Variants in PPIL2 observed in about 807,000 individuals in gnomAD.
PPIL2 encodes RING-type E3 ubiquitin-protein ligase PPIL2.
A neutral mutation model predicts 75.2 loss-of-function variants in PPIL2; 50 were observed. The observed-to-expected ratio is 0.66, with a 90% CI of 0.53 to 0.84. The LOEUF is 0.84. Among genes scored for constraint, PPIL2 ranks in the 40% least tolerant of loss-of-function variants. The probability of loss-of-function intolerance (pLI) is 0.00; values close to 1 mark genes in which losing one functional copy is unlikely to be tolerated. For synonymous variants in PPIL2, 245 were observed against 258.8 expected (o/e 0.95, Z 0.51); for missense variants, 590 against 685.0 (o/e 0.86, Z 1.55).
intron 6 of PPIL2, among the ~76,000 whole-genome samples, 167 bp from the exon 7 acceptor site, chr22:21,681,132 G>C (rs2067111409): frequency 6.6e-6 from 1 of 152,214 alleles, no homozygotes; most frequent in Non-Finnish European, 1.5e-5. Context: ...GCTTGAGGGG[G>C]TGAGCAGCTG....
chr22:21,695,553 C>A lies in PPIL2; in HGVS notation c.*63C>A. ...GGGCTGGGGGCCCATGTCCACATCT[C>A]CATTTCCAGCCTTTCTAGCCTGCCC... On this transcript the variant is annotated 3_prime_UTR_variant, in exon 20 of 20. Transcript: ENST00000398831. 6.5e-7 allele frequency: 1 copy of A among 1,549,876 alleles called. No individual in the cohort carries two copies. The highest frequency in any genetic ancestry group is 1.2e-5 in the South Asian group (1 of 84,022).
At position 21,675,256 on chromosome 22, in the gene PPIL2, G is replaced by A. The variant is rs1342527871; in HGVS notation, c.295+141G>A. 40 of 791,166 alleles carry A rather than the reference G, an allele frequency of 5.1e-5. No homozygotes were observed. In the East Asian group the frequency reaches 9.7e-4, roughly 19 times the overall value. 49.0% of individuals were successfully genotyped at this position (791,166 alleles called of 1,614,324 possible). A position where few individuals can be genotyped will look rare whatever the true frequency, so the allele number is the denominator to read the frequency against. On this transcript the variant is annotated intron_variant, in intron 6 of 19. Coordinates refer to ENST00000398831, the MANE Select transcript of PPIL2 (RefSeq NM_014337.4). ...TTTAATTCCGCAAAAAGTGTCACAG[G>A]GCTGGGCACGGTGGCTCACACCTGT...
chr22:21,673,722 C>G (rs762932024), intron 5 of PPIL2: 3 of 152,542 alleles, frequency 2.0e-5, no homozygotes, highest in Admixed American at 1.3e-4. Flanking sequence ...CTGGAAGGGA[C>G]CTTGCTGTGT....
intron 19 of PPIL2, 123 bp from the exon 20 acceptor site, chr22:21,695,271 G>A (rs2067870824): frequency 7.5e-7 from 1 of 1,328,678 alleles, no homozygotes; most frequent in Non-Finnish European, 1.0e-6. Flanking sequence ...TCAAATTCAG[G>A]GGGATGTGGG....
chr22:21,695,334 A>G, intron 19 of PPIL2, 60 bp from the exon 20 acceptor site: 1 of 1,541,112 alleles, frequency 6.5e-7, no homozygotes, highest in South Asian at 1.2e-5. Flanking sequence ...ATGGAGACAC[A>G]GACAAGTCAG....
chr22:21,696,267 G>A lies in PPIL2; in HGVS notation c.*777G>A, dbSNP rs1031810332. On this transcript the variant is annotated 3_prime_UTR_variant, in exon 20 of 20. Transcript: ENST00000398831. ...CCTGCTCTGGCTGTGAACCACCTGG[G>A]CTTCATCTCAAGCCTGCCTGGCGTC... The A allele has an allele frequency of 6.8e-6, 7 of 1,029,464 alleles. No individual in the cohort carries two copies. Among genetic ancestry groups the A allele is most frequent in the Non-Finnish European group, 8.2e-6 (7 of 856,310 alleles). The allele number at this position is 1,029,464 out of a possible 1,614,324, so 63.8% of individuals were successfully genotyped here. A position where few individuals can be genotyped will look rare whatever the true frequency, so the allele number is the denominator to read the frequency against.
rs1353739121 is a variant in PPIL2 at position 21,688,774 on chromosome 22, G to A, written c.1064G>A (p.Arg355Gln). The A allele has an allele frequency of 3.1e-6, 5 of 1,614,204 alleles. No individual in the cohort carries two copies. The highest frequency in any genetic ancestry group is 4.2e-6 in the Non-Finnish European group (5 of 1,180,036). Residue 355 changes from arginine to glutamine, a missense_variant, in exon 15 of 20, where the codon CGG becomes CAG. Physicochemically the swap from Arg to Gln is conservative, Grantham distance 43 (BLOSUM62 1). Transcript: ENST00000398831. ...YWGKPFKDEF[R>Q]PNLSHTGRGI... The stretch of plus-strand genomic sequence containing the variant: ...GGGAAGCCCTTCAAAGACGAGTTCC[G>A]GCCCAACCTCTCGCACACGGGCCGC...
intron 1 of PPIL2, among the ~76,000 whole-genome samples, chr22:21,666,416 C>A (rs2066381152): frequency 6.6e-6 from 1 of 152,206 alleles, no homozygotes; most frequent in African/African-American, 2.4e-5. Context: ...TCGCGAGTTT[C>A]GCCCTTGAAT....
chr22:21,691,784 CTG>C (rs2067651045), intron 15 of PPIL2, among the ~76,000 whole-genome samples: 1 of 152,182 alleles, frequency 6.6e-6, no homozygotes, highest in African/African-American at 2.4e-5. Flanking sequence ...GTTTCCTTCA[CTG>C]TGTTAGAAAT....
At chr22:21,674,660 C>T (rs1277745264) in intron 5 of PPIL2, among the ~76,000 whole-genome samples, 5 of 152,130 alleles carry the variant, frequency 3.3e-5, no homozygotes, top group African/African-American at 7.2e-5. Flanking sequence ...GAGATGTTGC[C>T]GCTGTACTCC....
rs2066601819 is a variant in PPIL2, at chr22:21,670,788, G to A, written c.128+177G>A. 4.7e-6 allele frequency: 4 copies of A among 857,732 alleles called. No homozygotes were observed. The East Asian group carries it at 9.7e-5, about 21-fold the overall frequency. 53.1% of individuals were successfully genotyped at this position (857,732 alleles called of 1,614,324 possible). On this transcript the variant is annotated intron_variant, in intron 3 of 19. Coordinates refer to ENST00000398831, the MANE Select transcript of PPIL2 (RefSeq NM_014337.4). The stretch of plus-strand genomic sequence containing the variant: ...CGTCATGATGTTAGGAGCTTGCCTT[G>A]GTGTTGGATCCTGCTCTAGACCTTC...
chr22:21,672,846 G>T (rs1486619993), intron 5 of PPIL2, among the ~76,000 whole-genome samples: 1 of 152,254 alleles, frequency 6.6e-6, no homozygotes, highest in East Asian at 1.9e-4. Flanking sequence ...CAAACTGTGC[G>T]AGACGGAGGG....
At position 21,696,617 on chromosome 22, in the gene PPIL2, T is replaced by C; in HGVS notation, c.*1127T>C. The C allele has an allele frequency of 6.7e-7, 1 of 1,493,686 alleles. No individual in the cohort carries two copies. Among genetic ancestry groups the C allele is most frequent in the Non-Finnish European group, 8.9e-7 (1 of 1,125,274 alleles). 92.5% of individuals were successfully genotyped at this position (1,493,686 alleles called of 1,614,324 possible). On this transcript the variant is annotated 3_prime_UTR_variant, in exon 20 of 20. Coordinates refer to ENST00000398831, the MANE Select transcript of PPIL2 (RefSeq NM_014337.4). Reference sequence around the variant, plus strand: ...TCTCATGTCATGGACTCTCCTTGCCTGACACTTGCCTCTTGGGCTCCCTGT... The same window carrying C: ...TCTCATGTCATGGACTCTCCTTGCCCGACACTTGCCTCTTGGGCTCCCTGT...
chr22:21,670,780 C>T, intron 3 of PPIL2, 169 bp downstream of exon 3: 1 of 888,062 alleles, frequency 1.1e-6, no homozygotes, highest in Non-Finnish European at 1.8e-6. Flanking sequence ...ATGTTAGGAG[C>T]TTGCCTTGGT....
At position 21,693,265 on chromosome 22, in the gene PPIL2, C is replaced by A. The variant is rs1187167390; in HGVS notation, c.1140-551C>A. On this transcript the variant is annotated intron_variant, in intron 15 of 19. Transcript: ENST00000398831. ...GTTTTACCATGTTGGCCAGGCTGGT[C>A]TCCAACTCCTGGCCTCAAGTGATCT... 4.6e-5 allele frequency among the ~76,000 whole-genome samples: 7 copies of A among 152,156 alleles called. No individual in the cohort carries two copies. In the South Asian group the frequency reaches 1.2e-3, roughly 27 times the overall value.
chr22:21,686,683 C>T (rs946601177), intron 11 of PPIL2, 125 bp downstream of exon 11: 1 of 1,112,612 alleles, frequency 9.0e-7, no homozygotes, highest in Non-Finnish European at 1.3e-6. Flanking sequence ...GCCCCTAGTC[C>T]TCCCCCTCTT....
At chr22:21,691,097 C>A (rs1307425432) in intron 15 of PPIL2, among the ~76,000 whole-genome samples, 3 of 132,658 alleles carry the variant, frequency 2.3e-5, no homozygotes, top group African/African-American at 9.2e-5. Context: ...ACGCCCACCA[C>A]CACACCAGGA....
chr22:21,671,045 C>A lies in PPIL2; in HGVS notation c.177C>A (p.Ile59=). The part of the protein sequence containing the change: ...FVYPVCTPDG[I]VFDLLNIVPW... ...ACCCAGTCTGCACTCCCGATGGCAT[C>A]GTCTTTGACTTACTGTGAGTTTTTC... The change falls in exon 4 of 20, where the codon ATC becomes ATA. Residue 59 remains isoleucine, a synonymous_variant. Coordinates refer to ENST00000398831, the MANE Select transcript of PPIL2 (RefSeq NM_014337.4). 5 of 1,611,794 alleles carry A rather than the reference C, an allele frequency of 3.1e-6. No individual in the cohort carries two copies. Among genetic ancestry groups the A allele is most frequent in the Non-Finnish European group, 4.2e-6 (5 of 1,177,808 alleles).
intron 5 of PPIL2, among the ~76,000 whole-genome samples, chr22:21,674,622 A>G (rs2066761595): frequency 6.6e-6 from 1 of 152,172 alleles, no homozygotes; most frequent in Non-Finnish European, 1.5e-5. Flanking sequence ...AATCACTTGA[A>G]CTAGGGAGTG....
Sources: gnomAD v4.1 joint callset for allele counts (sites outside exome capture counted in the v4.1 genomes callset) on GRCh38, gnomAD v4.1.1 for gene constraint, MANE v1.5 for transcripts, NCBI Gene and HGNC (gene_info 2026-07-23, HGNC 2026-07-21) for gene names.